PTPRK: variants seen among roughly 807,000 people sequenced by gnomAD.
PTPRK encodes the protein receptor-type tyrosine-protein phosphatase kappa.
A neutral mutation model predicts 178.0 loss-of-function variants in PTPRK; 75 were observed. That is an observed-to-expected ratio of 0.42 (90% CI 0.35 to 0.51). The LOEUF (loss-of-function observed/expected upper bound fraction) is 0.51. PTPRK is among the 20% of genes least tolerant of loss of function. The pLI is 0.02. For missense variants in PTPRK, 1,441 were observed against 1,797.8 expected (o/e 0.80, Z 3.59); for synonymous variants, 637 against 620.6 (o/e 1.03, Z -0.39).
intron 1 of PTPRK, among the ~76,000 whole-genome samples, chr6:128,516,888 G>A (rs1858116139): frequency 6.6e-6 from 1 of 151,724 alleles, no homozygotes; most frequent in Non-Finnish European, 1.5e-5. Flanking sequence ...GAAATGCCAG[G>A]AATGTTAATA....
chr6:128,462,020 G>A (rs567086297), intron 1 of PTPRK, among the ~76,000 whole-genome samples: 10 of 152,150 alleles, frequency 6.6e-5, no homozygotes, highest in Non-Finnish European at 1.2e-4. Flanking sequence ...TAAGAGACAG[G>A]GTCTTGCGAT....
intron 15 of PTPRK, among the ~76,000 whole-genome samples, chr6:128,004,658 C>T (rs7763857): frequency 6.6e-6 from 1 of 151,766 alleles, no homozygotes; most frequent in Non-Finnish European, 1.5e-5. Flanking sequence ...ATGATTTTAC[C>T]TATGTCAATA....
chr6:128,217,218 T>G (rs978836530), intron 6 of PTPRK, among the ~76,000 whole-genome samples: 1 of 152,232 alleles, frequency 6.6e-6, no homozygotes, highest in African/African-American at 2.4e-5. Flanking sequence ...TCTGCCTAAA[T>G]ACGGAAGTCA....
At position 128,085,547 on chromosome 6, in the gene PTPRK, C is replaced by T. The variant is rs542550057; in HGVS notation, c.1466-1723G>A. Among the ~76,000 whole-genome samples the T allele has an allele frequency of 2.0e-5, 3 of 152,234 alleles. No individual in the cohort carries two copies. In the East Asian group the frequency reaches 5.8e-4, roughly 29 times the overall value. On this transcript the variant is annotated intron_variant, in intron 8 of 29. Transcript: ENST00000368226. Reference sequence around the variant, plus strand: ...ATGGCATTGTAATTATAATAACTGCCTATGTTTACCTAACACAATTTAGCC... The same window carrying T: ...ATGGCATTGTAATTATAATAACTGCTTATGTTTACCTAACACAATTTAGCC...
At chr6:128,494,075 ACTACCTGGGCAG>A (rs760297734) in intron 1 of PTPRK, among the ~76,000 whole-genome samples, 10 of 152,038 alleles carry the variant, frequency 6.6e-5, no homozygotes, top group Non-Finnish European at 1.3e-4. Flanking sequence ...CTGTGGTCCA[ACTACCTGGGCAG>A]CTGAGGCAGG....
chr6:128,280,534 C>T (rs1224972396), intron 3 of PTPRK, among the ~76,000 whole-genome samples: 2 of 151,998 alleles, frequency 1.3e-5, no homozygotes, highest in African/African-American at 4.8e-5. Flanking sequence ...AGCCCATTGG[C>T]CATACTTTCT....
chr6:127,980,632 C>G (rs1255470006), intron 25 of PTPRK, among the ~76,000 whole-genome samples: 6 of 152,130 alleles, frequency 3.9e-5, no homozygotes, highest in Admixed American at 1.3e-4. Flanking sequence ...TAACATAATA[C>G]CATCCATCCC....
intron 7 of PTPRK, among the ~76,000 whole-genome samples, chr6:128,132,598 C>T (rs932667565): frequency 1.3e-5 from 2 of 152,240 alleles, no homozygotes; most frequent in Admixed American, 6.5e-5. Context: ...GTAAATCTTT[C>T]CTGTATTACG....
At chr6:128,250,721 CAGA>C (rs1445997130) in intron 3 of PTPRK, among the ~76,000 whole-genome samples, 1 of 152,208 alleles carries the variant, frequency 6.6e-6, no homozygotes, top group Admixed American at 6.5e-5. Flanking sequence ...TGATAGGCCC[CAGA>C]AGATTTTCTA....
At chr6:128,486,436 G>A (rs527485932) in intron 1 of PTPRK, among the ~76,000 whole-genome samples, 89 of 151,974 alleles carry the variant, frequency 5.9e-4, no homozygotes, top group Non-Finnish European at 1.1e-3. Flanking sequence ...AAAAGTTTAG[G>A]GGAAAAAATC....
rs147119362 is a variant in PTPRK, at chr6:128,206,006, C to T, written c.868+12916G>A. ...AGAAGCTTTATTTGCTTCTTGGACC[C>T]TCATGGAAAGAGGCTGGTGGAGAAA... On this transcript the variant is annotated intron_variant, in intron 6 of 29. Transcript: ENST00000368226. 1.7e-3 allele frequency among the ~76,000 whole-genome samples: 253 copies of T among 151,730 alleles called. 1 individual carries two copies. Among genetic ancestry groups the T allele is most frequent in the African/African-American group, 5.8e-3 (241 of 41,408 alleles).
At chr6:128,465,186 T>C (rs781546531) in intron 1 of PTPRK, among the ~76,000 whole-genome samples, 2 of 147,206 alleles carry the variant, frequency 1.4e-5, no homozygotes, top group Non-Finnish European at 1.6e-5. Context: ...AGAAAAGCTT[T>C]ACGTAAAAAA....
chr6:128,021,435 G>T (rs986478709), intron 13 of PTPRK, among the ~76,000 whole-genome samples: 1 of 152,148 alleles, frequency 6.6e-6, no homozygotes. Context: ...AGGAGATGGA[G>T]ACCATCCTGG....
chr6:128,012,455 A>T (rs1212718248), intron 13 of PTPRK, among the ~76,000 whole-genome samples: 2 of 151,288 alleles, frequency 1.3e-5, no homozygotes. Context: ...TTCTGCACAT[A>T]CACAAAGACA....
intron 18 of PTPRK, chr6:127,995,134 T>C (rs916607360): frequency 9.6e-7 from 1 of 1,038,544 alleles, no homozygotes; most frequent in African/African-American, 1.6e-5. Context: ...TGTATGAAGC[T>C]AATTAGGTGA....
At chr6:128,224,177 C>T (rs183119774) in intron 5 of PTPRK, among the ~76,000 whole-genome samples, 26 of 152,208 alleles carry the variant, frequency 1.7e-4, no homozygotes, top group African/African-American at 6.0e-4. Flanking sequence ...ATATATGATC[C>T]AAGGGATTAT....
intron 13 of PTPRK, among the ~76,000 whole-genome samples, chr6:128,016,601 T>G (rs1236265426): frequency 6.6e-5 from 10 of 151,990 alleles, no homozygotes; most frequent in Non-Finnish European, 1.5e-4. Context: ...CAGTTGCTTT[T>G]CTTCTTACTT....
At chr6:128,002,282 T>C (rs969697445) in intron 15 of PTPRK, among the ~76,000 whole-genome samples, 4 of 151,840 alleles carry the variant, frequency 2.6e-5, no homozygotes, top group African/African-American at 4.8e-5. Flanking sequence ...GTTAAAGTTT[T>C]TTGTTCACAA....
intron 14 of PTPRK, chr6:128,005,966 GA>G: frequency 2.3e-6 from 3 of 1,291,988 alleles, no homozygotes; most frequent in South Asian, 3.4e-5. Flanking sequence ...TTTTGTTTTT[GA>G]AAAGGGATAC....
Sources: allele counts gnomAD v4.1 joint callset (sites outside exome capture counted in the v4.1 genomes callset), GRCh38; gene constraint gnomAD v4.1.1; transcripts MANE v1.5; gene names NCBI Gene and HGNC (gene_info 2026-07-23, HGNC 2026-07-21).